GAS7: variants seen among roughly 807,000 people sequenced by gnomAD.
GAS7 encodes the protein growth arrest specific 7.
In GAS7, 28 loss-of-function variants were observed where a neutral mutation model predicts 71.1. That is an observed-to-expected ratio of 0.39 (90% confidence interval 0.29 to 0.54). GAS7 has a LOEUF of 0.54. Ranked by LOEUF, GAS7 falls within the 20% of genes least tolerant of loss-of-function variation. The pLI, the probability that GAS7 is intolerant of heterozygous loss-of-function variation, is 0.62. For synonymous variants in GAS7, 258 were observed against 245.8 expected (o/e 1.05, Z -0.46); for missense variants, 436 against 627.8 (o/e 0.69, Z 3.27).
At chr17:10,190,918 G>A (rs1252240646) in intron 1 of GAS7, among the ~76,000 whole-genome samples, 1 of 151,988 alleles carries the variant, frequency 6.6e-6, no homozygotes, top group Admixed American at 6.5e-5. Flanking sequence ...GTTCACGCCT[G>A]TAATCCCAGC....
At chr17:10,072,772 G>A (rs2073354154) in intron 1 of GAS7, among the ~76,000 whole-genome samples, 1 of 152,162 alleles carries the variant, frequency 6.6e-6, no homozygotes. Flanking sequence ...GGGGAGAGAG[G>A]CTCAGGGAAG....
intron 1 of GAS7, among the ~76,000 whole-genome samples, chr17:10,092,051 C>T (rs1354618031): frequency 6.6e-6 from 1 of 152,108 alleles, no homozygotes; most frequent in African/African-American, 2.4e-5. Context: ...CTATAGTGGC[C>T]TAAACAGTCT....
Position 9,911,704 on chromosome 17 carries a change from G to T in GAS7, c.*5524C>A, listed in dbSNP as rs537671082. Reference sequence around the variant, plus strand: ...CCCCGGCAAATTTCAACCCAGCAGAGTCCTGGCAGCCTCTTCGGCTCCCTA... The same window carrying T: ...CCCCGGCAAATTTCAACCCAGCAGATTCCTGGCAGCCTCTTCGGCTCCCTA... On this transcript the variant is annotated 3_prime_UTR_variant, in exon 14 of 14. Transcript: ENST00000432992. The surrounding 1 kb of genome is among the most constrained non-coding windows in gnomAD (Gnocchi z 4.0). 1.3e-5 allele frequency: 3 copies of T among 232,596 alleles called. No homozygotes were observed. Among genetic ancestry groups the T allele is most frequent in the Admixed American group, 5.6e-5 (1 of 17,766 alleles). 14.4% of individuals were successfully genotyped at this position (232,596 alleles called of 1,614,324 possible).
At chr17:10,192,854 T>G (rs2074512515) in intron 1 of GAS7, among the ~76,000 whole-genome samples, 3 of 152,038 alleles carry the variant, frequency 2.0e-5, no homozygotes, top group Admixed American at 2.0e-4. Context: ...AGGAGGGTGA[T>G]TTAGTGAAGA....
chr17:10,033,321 G>T (rs921611008), intron 1 of GAS7, among the ~76,000 whole-genome samples: 1 of 152,062 alleles, frequency 6.6e-6, no homozygotes, highest in Admixed American at 6.5e-5. Context: ...GCCAAACTTG[G>T]TATGGCCCAG....
rs1446370393 is a variant in GAS7 at position 9,974,879 on chromosome 17, T to A, written c.386-5117A>T. ...CCACAGCTCGGCTTCCATATCTCAG[T>A]ACCGATCCCTGAGGGAAAAAGTCGC... On this transcript the variant is annotated intron_variant, in intron 3 of 13. Coordinates refer to ENST00000432992, the MANE Select transcript of GAS7 (RefSeq NM_201433.2). The surrounding 1 kb of genome is among the most constrained non-coding windows in gnomAD (Gnocchi z 4.0). Among the ~76,000 whole-genome samples, 3 of 152,162 alleles carry A rather than the reference T, an allele frequency of 2.0e-5. No individual in the cohort carries two copies. Among genetic ancestry groups the A allele is most frequent in the Non-Finnish European group, 4.4e-5 (3 of 68,018 alleles).
At chr17:10,122,785 G>C (rs965559797) in intron 1 of GAS7, among the ~76,000 whole-genome samples, 1 of 152,092 alleles carries the variant, frequency 6.6e-6, no homozygotes. Flanking sequence ...CTGGCTGGGA[G>C]ACCCCATGTT....
intron 1 of GAS7, among the ~76,000 whole-genome samples, chr17:10,127,508 A>G (rs2073960452): frequency 6.6e-6 from 1 of 152,188 alleles, no homozygotes; most frequent in Non-Finnish European, 1.5e-5. Flanking sequence ...GCACCTCATC[A>G]AACAGTCCCA....
intron 1 of GAS7, among the ~76,000 whole-genome samples, chr17:10,097,290 C>G (rs1448493045): frequency 6.6e-6 from 1 of 152,220 alleles, no homozygotes; most frequent in Admixed American, 6.5e-5. Flanking sequence ...CACAACATCT[C>G]TGCATTAACC....
Position 9,996,040 on chromosome 17 carries a change from T to C in GAS7, c.305-14156A>G, listed in dbSNP as rs566479132. 1.2e-4 allele frequency among the ~76,000 whole-genome samples: 18 copies of C among 152,322 alleles called. No homozygotes were observed. The South Asian group carries it at 2.7e-3, about 23-fold the overall frequency. On this transcript the variant is annotated intron_variant, in intron 2 of 13. Transcript: ENST00000432992. Reference sequence around the variant, plus strand: ...GGCAAATGTGCCGAAAGAATACACATGAAGCATTTGATGCTGGTTCTTTCT... The same window carrying C: ...GGCAAATGTGCCGAAAGAATACACACGAAGCATTTGATGCTGGTTCTTTCT...
chr17:10,020,636 G>T (rs558500149), intron 1 of GAS7, among the ~76,000 whole-genome samples: 1 of 152,260 alleles, frequency 6.6e-6, no homozygotes, highest in East Asian at 1.9e-4. Flanking sequence ...CCATGGCCGG[G>T]CGCAGTGGCT....
At chr17:10,170,292 A>C (rs1419765356) in intron 1 of GAS7, among the ~76,000 whole-genome samples, 3 of 152,094 alleles carry the variant, frequency 2.0e-5, no homozygotes, top group African/African-American at 7.2e-5. Flanking sequence ...TGAGGGTCTC[A>C]AAAGCCCTCG....
chr17:10,161,315 T>C (rs1160806598), intron 1 of GAS7, among the ~76,000 whole-genome samples: 1 of 152,180 alleles, frequency 6.6e-6, no homozygotes, highest in South Asian at 2.1e-4. Flanking sequence ...TGGTTCACTG[T>C]AGTGAGAGGG....
At chr17:10,150,782 T>C (rs1349544755) in intron 1 of GAS7, among the ~76,000 whole-genome samples, 1 of 151,890 alleles carries the variant, frequency 6.6e-6, no homozygotes, top group Non-Finnish European at 1.5e-5. Context: ...ACAGACAGGG[T>C]TTCACCATGT....
At chr17:10,173,426 A>T (rs79543257) in intron 1 of GAS7, among the ~76,000 whole-genome samples, 3,530 of 152,202 alleles carry the variant, frequency 0.023, 162 homozygotes, top group African/African-American at 0.081. Flanking sequence ...CTAGGTAAGT[A>T]ATGAGTTTCC....
At position 9,928,752 on chromosome 17, in the gene GAS7, A is replaced by C. The variant is rs143549532; in HGVS notation, c.886-1983T>G. ...AGCAACTGACTTACACGGGGCTGGGAGCTCCAAGCGGGCAGGGGCCCCATC... is the reference window on the plus strand; with the variant it reads ...AGCAACTGACTTACACGGGGCTGGGCGCTCCAAGCGGGCAGGGGCCCCATC... On this transcript the variant is annotated intron_variant, in intron 9 of 13. Transcript: ENST00000432992. 3.3e-3 allele frequency among the ~76,000 whole-genome samples: 500 copies of C among 152,276 alleles called. 1 individual carries two copies. The highest frequency in any genetic ancestry group is 5.3e-3 in the Non-Finnish European group (360 of 68,018).
chr17:10,145,500 A>G lies in GAS7; in HGVS notation c.183+52708T>C, dbSNP rs898306146. On this transcript the variant is annotated intron_variant, in intron 1 of 13. Transcript: ENST00000432992. Reference sequence around the variant, plus strand: ...CTTGGATGAAACCTTACAAGGCCCTAGAACCAGGCCCTGGTGGCCTGTCCT... The same window carrying G: ...CTTGGATGAAACCTTACAAGGCCCTGGAACCAGGCCCTGGTGGCCTGTCCT... Among the ~76,000 whole-genome samples the G allele has an allele frequency of 5.3e-4, 80 of 152,236 alleles. 1 individual carries two copies. Among genetic ancestry groups the G allele is most frequent in the African/African-American group, 1.7e-3 (69 of 41,478 alleles).
chr17:10,160,233 T>C (rs2074241837), intron 1 of GAS7, among the ~76,000 whole-genome samples: 1 of 152,148 alleles, frequency 6.6e-6, no homozygotes, highest in South Asian at 2.1e-4. Flanking sequence ...TGTATGTAGG[T>C]TACACTTCAA....
intron 5 of GAS7, among the ~76,000 whole-genome samples, chr17:9,953,107 A>G (rs1771741398): frequency 2.6e-5 from 4 of 151,866 alleles, no homozygotes; most frequent in Admixed American, 1.3e-4. Flanking sequence ...ATGCCCATCA[A>G]CGATATACTA....
Sources: gnomAD v4.1 joint callset for allele counts (sites outside exome capture counted in the v4.1 genomes callset) on GRCh38, gnomAD v4.1.1 for gene constraint, Gnocchi (gnomAD v3.1) non-coding constraint, MANE v1.5 for transcripts, NCBI Gene and HGNC (gene_info 2026-07-23, HGNC 2026-07-21) for gene names.